EPS8: variants seen among roughly 807,000 people sequenced by gnomAD.
EPS8 encodes the protein epidermal growth factor receptor kinase substrate 8.
Under a neutral mutation model 103.8 loss-of-function variants are expected in EPS8, and 42 were observed. That is an observed-to-expected ratio of 0.40 (90% CI 0.32 to 0.52). The LOEUF (loss-of-function observed/expected upper bound fraction) is 0.52. Ranked by LOEUF, EPS8 falls within the 20% of genes least tolerant of loss-of-function variation. The pLI is 0.40. For missense variants in EPS8, 969 were observed against 1,005.1 expected, an observed-to-expected ratio of 0.96 and a Z score of 0.49; for synonymous variants, 344 against 344.6, an observed-to-expected ratio of 1.00 and a Z score of 0.02.
At chr12:15,642,804 C>T (rs1945255409) in intron 15 of EPS8, among the ~76,000 whole-genome samples, 2 of 152,086 alleles carry the variant, frequency 1.3e-5, no homozygotes, top group South Asian at 2.1e-4. Flanking sequence ...TATACCAGGG[C>T]CTGCAGGACA....
intron 8 of EPS8, among the ~76,000 whole-genome samples, chr12:15,663,442 T>C (rs1206322733): frequency 6.6e-6 from 1 of 152,156 alleles, no homozygotes; most frequent in African/African-American, 2.4e-5. Flanking sequence ...CTGAGGGGCT[T>C]TCCAACTAAA....
rs975602580 is a variant in EPS8, at chr12:15,621,254, T to C, written c.*63A>G. ...TGAATCTGACATTCCCTTCAAGGCT[T>C]CTTAAAACAAAGCATGTTGGAATAA... is the stretch of plus-strand genomic sequence containing the variant. On this transcript the variant is annotated 3_prime_UTR_variant, in exon 21 of 21. Coordinates refer to ENST00000281172, the MANE Select transcript of EPS8 (RefSeq NM_004447.6). The C allele has an allele frequency of 7.3e-6, 6 of 821,372 alleles. No homozygotes were observed. Among genetic ancestry groups the C allele is most frequent in the Non-Finnish European group, 9.5e-6 (5 of 526,906 alleles). The allele number at this position is 821,372 out of a possible 1,614,324, so 50.9% of individuals were successfully genotyped here. A position where few individuals can be genotyped will look rare whatever the true frequency, so the allele number is the denominator to read the frequency against.
chr12:15,741,868 C>G (rs930540819), intron 1 of EPS8, among the ~76,000 whole-genome samples: 2 of 152,174 alleles, frequency 1.3e-5, no homozygotes, highest in Non-Finnish European at 2.9e-5. Flanking sequence ...GCCCCTTCCC[C>G]CAACCCTACG....
chr12:15,744,328 C>T (rs912991307), intron 1 of EPS8, among the ~76,000 whole-genome samples: 6 of 152,220 alleles, frequency 3.9e-5, no homozygotes, highest in African/African-American at 4.8e-5. Context: ...CATGTGATAG[C>T]GTCTTCCTCT....
Position 15,779,516 on chromosome 12 carries a change from T to G in EPS8, c.-22+9645A>C, listed in dbSNP as rs557745334. ...ATATTTTTATTTGCAGCTTTGTTTT[T>G]CCACTTCAGATACTGGAAACATTCT... On this transcript the variant is annotated intron_variant, in intron 1 of 20. Transcript: ENST00000281172. The surrounding 1 kb of genome is among the most constrained non-coding windows in gnomAD (Gnocchi z 4.3). 5.8e-4 allele frequency among the ~76,000 whole-genome samples: 88 copies of G among 152,340 alleles called. 1 individual carries two copies. The highest frequency in any genetic ancestry group is 6.8e-3 in the Middle Eastern group (2 of 294).
intron 19 of EPS8, among the ~76,000 whole-genome samples, chr12:15,623,699 T>C (rs1301062976): frequency 6.6e-6 from 1 of 152,228 alleles, no homozygotes; most frequent in Non-Finnish European, 1.5e-5. Flanking sequence ...TAATAGTTCA[T>C]TGTGCCAAAT....
At position 15,721,973 on chromosome 12, in the gene EPS8, CT is replaced by C. The variant is rs547933328; in HGVS notation, c.-21-39002del. Among the ~76,000 whole-genome samples the C allele has an allele frequency of 2.8e-4, 41 of 147,470 alleles. No individual in the cohort carries two copies. Among genetic ancestry groups the C allele is most frequent in the Admixed American group, 4.1e-4 (6 of 14,750 alleles). On this transcript the variant is annotated intron_variant, in intron 1 of 20. Coordinates refer to ENST00000281172, the MANE Select transcript of EPS8 (RefSeq NM_004447.6). This position sits in a 1 kb window ranked among gnomAD's most constrained non-coding sequence, Gnocchi z 4.4. ...CTAGTTTTTTTTTAATGCATACATA[CT>C]TTTTTTTTTCAAAGGGGGCTACTGT...
At position 15,640,694 on chromosome 12, in the gene EPS8, C is replaced by A; in HGVS notation, c.1821+9G>T. 1 of 1,611,250 alleles carries A rather than the reference C, an allele frequency of 6.2e-7. No individual in the cohort carries two copies. The highest frequency in any genetic ancestry group is 1.7e-5 in the Admixed American group (1 of 59,684). On this transcript the variant is annotated intron_variant, in intron 17 of 20. Transcript: ENST00000281172. ...TACATACTACATTTTACTAAGAAAT[C>A]ATGCTCACCTGTATAGTATGAGTAT... is the stretch of plus-strand genomic sequence containing the variant.
rs149702431 is a variant in EPS8, at chr12:15,633,879, T to A, written c.1822-2215A>T. Among the ~76,000 whole-genome samples, 7 of 152,284 alleles carry A rather than the reference T, an allele frequency of 4.6e-5. No individual in the cohort carries two copies. In the East Asian group the frequency reaches 1.4e-3, roughly 29 times the overall value. On this transcript the variant is annotated intron_variant, in intron 17 of 20. Coordinates refer to ENST00000281172, the MANE Select transcript of EPS8 (RefSeq NM_004447.6). The stretch of plus-strand genomic sequence containing the variant: ...AATTCTTCATGTGGAAGAAAAAGAA[T>A]CAGCACTGACTCCTAACGTCACTTT...
chr12:15,766,224 T>C (rs915635890), intron 1 of EPS8, among the ~76,000 whole-genome samples: 3 of 150,162 alleles, frequency 2.0e-5, no homozygotes, highest in African/African-American at 7.3e-5. Flanking sequence ...ACACCTGTAA[T>C]CCCAGCACTC....
chr12:15,631,578 G>A lies in EPS8; in HGVS notation c.1908C>T (p.Pro636=), dbSNP rs775709810. The change falls in exon 18 of 21, where the codon CCC becomes CCT. Residue 636 remains proline (P), a synonymous_variant. Coordinates refer to ENST00000281172, the MANE Select transcript of EPS8 (RefSeq NM_004447.6). ...PPPTPAPVPV[P]LPPSTPAPVP... is the part of the protein sequence containing the mutation. ...CAGGTGCTGGAGTGGAAGGGGGAAG[G>A]GGAACAGGAACAGGAGCTGGTGTTG... The A allele has an allele frequency of 4.3e-6, 7 of 1,613,844 alleles. No individual in the cohort carries two copies. The highest frequency in any genetic ancestry group is 1.7e-5 in the Admixed American group (1 of 59,990).
intron 11 of EPS8, 124 bp downstream of exon 11, chr12:15,658,373 C>T: frequency 2.6e-6 from 2 of 757,130 alleles, no homozygotes; most frequent in South Asian, 3.8e-5. Flanking sequence ...CAAATCAAAA[C>T]ATACACACCC....
At position 15,783,256 on chromosome 12, in the gene EPS8, A is replaced by AT. The variant is rs1947277824; in HGVS notation, c.-22+5904dup. Reference sequence around the variant, plus strand: ...TCTCCCTTATGGTTTTCCTAATAAAATTTTCTTTTCTGTAGTTTATTGTAA... The same window carrying AT: ...TCTCCCTTATGGTTTTCCTAATAAAATTTTTCTTTTCTGTAGTTTATTGTAA... On this transcript the variant is annotated intron_variant, in intron 1 of 20. Coordinates refer to ENST00000281172, the MANE Select transcript of EPS8 (RefSeq NM_004447.6). Among the ~76,000 whole-genome samples the AT allele has an allele frequency of 2.6e-5, 4 of 152,188 alleles. No homozygotes were observed. In the South Asian group the frequency reaches 8.3e-4, roughly 32 times the overall value.
intron 4 of EPS8, among the ~76,000 whole-genome samples, chr12:15,670,232 G>A (rs1462838126): frequency 6.6e-6 from 1 of 152,104 alleles, no homozygotes; most frequent in Non-Finnish European, 1.5e-5. Flanking sequence ...TCAAAACTAT[G>A]GACACTGATT....
chr12:15,711,345 A>G (rs1946460771), intron 1 of EPS8, among the ~76,000 whole-genome samples: 1 of 152,166 alleles, frequency 6.6e-6, no homozygotes, highest in Admixed American at 6.5e-5. Flanking sequence ...TGTCAGAACT[A>G]TTTACATAGA....
At position 15,647,045 on chromosome 12, in the gene EPS8, A is replaced by T. The variant is rs562118806; in HGVS notation, c.1568+82T>A. The stretch of plus-strand genomic sequence containing the variant: ...TGGAAAGTTTAAAGAAGCAGTAGAC[A>T]ATACAGACACTGTCACCTCTGTTAG... On this transcript the variant is annotated intron_variant, in intron 15 of 20. Transcript: ENST00000281172. 49 of 1,325,746 alleles carry T rather than the reference A, an allele frequency of 3.7e-5. No homozygotes were observed. In the South Asian group the frequency reaches 7.1e-4, roughly 19 times the overall value. 82.1% of individuals were successfully genotyped at this position (1,325,746 alleles called of 1,614,324 possible). A position where few individuals can be genotyped will look rare whatever the true frequency, so the allele number is the denominator to read the frequency against.
intron 1 of EPS8, among the ~76,000 whole-genome samples, chr12:15,726,295 CAG>C (rs989455905): frequency 6.6e-6 from 1 of 151,806 alleles, no homozygotes; most frequent in Non-Finnish European, 1.5e-5. Context: ...TCAAGAGTGA[CAG>C]AGTGATGGGA....
In EPS8 at chr12:15,658,487, T is replaced by C. The variant is rs188926527; in HGVS notation, c.1026+10A>G. On this transcript the variant is annotated intron_variant, in intron 11 of 20. Transcript: ENST00000281172. ...TTTCTTCTAATTCTATATACATAAATTTCACTTACCAGAAGGTTAAATCCG... is the reference window on the plus strand; with the variant it reads ...TTTCTTCTAATTCTATATACATAAACTTCACTTACCAGAAGGTTAAATCCG... 61 of 1,535,076 alleles carry C rather than the reference T, an allele frequency of 4.0e-5. No homozygotes were observed. The African/African-American group carries it at 7.8e-4, about 20-fold the overall frequency.
At chr12:15,719,238 C>T (rs10846235) in intron 1 of EPS8, among the ~76,000 whole-genome samples, 24,588 of 151,772 alleles carry the variant, frequency 0.16, 2,697 homozygotes, top group Admixed American at 0.33. Context: ...TACATACTTA[C>T]ATATAAGTTA....
Sources: gnomAD v4.1 joint callset for allele counts (sites outside exome capture counted in the v4.1 genomes callset) on GRCh38, gnomAD v4.1.1 for gene constraint, Gnocchi (gnomAD v3.1) non-coding constraint, MANE v1.5 for transcripts, NCBI Gene and HGNC (gene_info 2026-07-23, HGNC 2026-07-21) for gene names.